RUNX1T1: variants seen among roughly 807,000 people sequenced by gnomAD.
RUNX1T1 encodes the protein protein CBFA2T1.
A neutral mutation model predicts 62.8 loss-of-function variants in RUNX1T1; 4 were observed. That is an observed-to-expected ratio of 0.06 (90% CI 0.03 to 0.15). The LOEUF is 0.15. RUNX1T1 is among the 10% of genes least tolerant of loss of function. The probability of loss-of-function intolerance (pLI) is 1.00; values close to 1 mark genes in which losing one functional copy is unlikely to be tolerated. For synonymous variants in RUNX1T1, 291 were observed against 286.0 expected (o/e 1.02, Z -0.18); for missense variants, 508 against 754.3 (o/e 0.67, Z 3.82).
chr8:91,964,015 T>C (rs916792216), intron 10 of RUNX1T1, among the ~76,000 whole-genome samples: 3 of 152,252 alleles, frequency 2.0e-5, no homozygotes, highest in African/African-American at 7.2e-5. Context: ...TTCCTCCCTA[T>C]CTGAAAAGTA....
intron 1 of RUNX1T1, among the ~76,000 whole-genome samples, chr8:92,082,789 C>G (rs76035946): frequency 0.019 from 2,912 of 152,064 alleles, 90 homozygotes; most frequent in African/African-American, 0.066. Flanking sequence ...AGACAAAAGA[C>G]CAGACTGGAT....
intron 1 of RUNX1T1, among the ~76,000 whole-genome samples, chr8:92,034,646 G>A (rs1289218507): frequency 8.1e-6 from 1 of 124,164 alleles, no homozygotes; most frequent in African/African-American, 3.5e-5. Flanking sequence ...ATCAACAGAC[G>A]ACTAAAGAAA....
At chr8:91,969,151 A>C (rs542657371) in intron 10 of RUNX1T1, among the ~76,000 whole-genome samples, 1 of 152,312 alleles carries the variant, frequency 6.6e-6, no homozygotes, top group South Asian at 2.1e-4. Flanking sequence ...CCTATCACAG[A>C]TACTGTTTAA....
rs36052605 is a variant in RUNX1T1 at position 92,089,925 on chromosome 8, T to TAA, written c.-86+9653_-86+9654dup. ...TGTCACCCACCCCAATCCCTGAATT[T>TAA]AAAAAAAAAAAAAAAAAAAAAAAAG... On this transcript the variant is annotated intron_variant, in intron 1 of 11. Transcript: ENST00000265814. Among the ~76,000 whole-genome samples, 12 of 80,144 alleles carry TAA rather than the reference T, an allele frequency of 1.5e-4. No homozygotes were observed. The South Asian group carries it at 1.7e-3, about 11-fold the overall frequency. The allele number at this position is 80,144 out of a possible 152,430, so 52.6% of individuals were successfully genotyped here.
At chr8:92,092,670 T>C (rs2130913884) in intron 1 of RUNX1T1, among the ~76,000 whole-genome samples, 1 of 152,298 alleles carries the variant, frequency 6.6e-6, no homozygotes, top group South Asian at 2.1e-4. Flanking sequence ...AAACAGGTTA[T>C]TTTAAAATAA....
exon 1 of RUNX1T1, chr8:92,099,618 T>C (rs1455439171): frequency 4.1e-6 from 4 of 985,380 alleles, no homozygotes; most frequent in Non-Finnish European, 4.8e-6. Flanking sequence ...ACTCCGTTTT[T>C]TTCACATGCA....
At chr8:91,987,404 C>T (rs1278244933) in intron 6 of RUNX1T1, among the ~76,000 whole-genome samples, 1 of 152,012 alleles carries the variant, frequency 6.6e-6, no homozygotes, top group African/African-American at 2.4e-5. Context: ...TATGCTTTCC[C>T]AAAACAAGCA....
At chr8:91,972,335 G>A (rs1813021861) in intron 9 of RUNX1T1, among the ~76,000 whole-genome samples, 2 of 152,050 alleles carry the variant, frequency 1.3e-5, no homozygotes, top group African/African-American at 4.8e-5. Flanking sequence ...TATATCTGAA[G>A]TACATTTCTT....
chr8:91,959,488 G>GTGTGTATA (rs1405432738), exon 11 of RUNX1T1: 3 of 84,808 alleles, frequency 3.5e-5, no homozygotes, highest in African/African-American at 1.5e-4. Context: ...GTGTGTGTGT[G>GTGTGTATA]TATATATATA....
At chr8:91,999,965 G>A (rs1819446309) in intron 5 of RUNX1T1, among the ~76,000 whole-genome samples, 1 of 152,094 alleles carries the variant, frequency 6.6e-6, no homozygotes, top group Non-Finnish European at 1.5e-5. Flanking sequence ...GCTGGAATGT[G>A]GAGAGAACAA....
chr8:92,097,678 G>A (rs554765698), intron 1 of RUNX1T1, among the ~76,000 whole-genome samples: 3 of 152,052 alleles, frequency 2.0e-5, no homozygotes, highest in Non-Finnish European at 4.4e-5. Context: ...TTTTTAAAAG[G>A]GGCATCCCAA....
chr8:92,011,702 A>C (rs542852322), intron 3 of RUNX1T1, among the ~76,000 whole-genome samples: 18 of 152,326 alleles, frequency 1.2e-4, no homozygotes, highest in Admixed American at 1.2e-3. Flanking sequence ...GTGAAAGAAA[A>C]ATCCCAATTA....
chr8:91,989,788 C>T (rs979098240), intron 6 of RUNX1T1, among the ~76,000 whole-genome samples: 1 of 152,158 alleles, frequency 6.6e-6, no homozygotes, highest in African/African-American at 2.4e-5. Context: ...GTTGTTATCA[C>T]ATTTGATTTT....
intron 1 of RUNX1T1, among the ~76,000 whole-genome samples, chr8:92,091,006 G>C (rs975070542): frequency 5.3e-5 from 8 of 152,158 alleles, no homozygotes; most frequent in African/African-American, 1.7e-4. Flanking sequence ...CAACAACTAA[G>C]TAGCAGCCCT....
chr8:91,967,246 G>A (rs536197243), intron 10 of RUNX1T1, among the ~76,000 whole-genome samples: 1 of 152,116 alleles, frequency 6.6e-6, no homozygotes, highest in Non-Finnish European at 1.5e-5. Context: ...TGCAACCTCC[G>A]ATAACTTGGC....
chr8:92,081,731 T>A (rs536405368), intron 1 of RUNX1T1, among the ~76,000 whole-genome samples: 139 of 152,010 alleles, frequency 9.1e-4, no homozygotes, highest in Non-Finnish European at 1.1e-3. Flanking sequence ...TGGTCACACA[T>A]CTCAAGAGGC....
intron 5 of RUNX1T1, among the ~76,000 whole-genome samples, chr8:91,999,911 C>T (rs1182795850): frequency 6.6e-6 from 1 of 152,002 alleles, no homozygotes; most frequent in Non-Finnish European, 1.5e-5. Context: ...AAAGTTAGAC[C>T]CTAACAAAGC....
chr8:91,971,879 A>G (rs1019427724), intron 9 of RUNX1T1, among the ~76,000 whole-genome samples: 1 of 152,158 alleles, frequency 6.6e-6, no homozygotes, highest in Admixed American at 6.5e-5. Context: ...AGTAATTTCC[A>G]TTTTAAAAAA....
At chr8:92,009,233 C>T (rs530214772) in intron 4 of RUNX1T1, among the ~76,000 whole-genome samples, 1 of 152,226 alleles carries the variant, frequency 6.6e-6, no homozygotes, top group East Asian at 1.9e-4. Flanking sequence ...AGAATGGTGT[C>T]TAATATCCTT....
Sources: allele counts gnomAD v4.1 joint callset (sites outside exome capture counted in the v4.1 genomes callset), GRCh38; gene constraint gnomAD v4.1.1; transcripts MANE v1.5; gene names NCBI Gene and HGNC (gene_info 2026-07-23, HGNC 2026-07-21).